The following PRKCE variants were observed in gnomAD, a reference collection of about 807,000 sequenced individuals.
PRKCE encodes the protein protein kinase C epsilon.
PRKCE carries 16 observed loss-of-function variants against 85.4 expected under a neutral mutation model. The ratio of observed to expected loss-of-function variants is 0.19; its 90% CI spans 0.13 to 0.28. The LOEUF is 0.28. Ranked by LOEUF, PRKCE falls within the 10% of genes least tolerant of loss-of-function variation. The pLI, the probability that PRKCE is intolerant of heterozygous loss-of-function variation, is 1.00. For missense variants in PRKCE, 573 were observed against 975.2 expected, an observed-to-expected ratio of 0.59 and a Z score of 5.49; for synonymous variants, 388 against 371.5, an observed-to-expected ratio of 1.04 and a Z score of -0.51.
chr2:45,792,758 C>G (rs992100305), intron 1 of PRKCE, among the ~76,000 whole-genome samples: 3 of 152,282 alleles, frequency 2.0e-5, no homozygotes, highest in Non-Finnish European at 4.4e-5. Context: ...AAAAGTGCAT[C>G]CATTTTGTCG....
chr2:45,845,521 C>G (rs1178526202), intron 2 of PRKCE: 1 of 151,938 alleles, frequency 6.6e-6, no homozygotes, highest in Non-Finnish European at 1.5e-5. Flanking sequence ...TGCTGCAGCC[C>G]CATCAATGGA....
At position 46,139,735 on chromosome 2, in the gene PRKCE, TAG is replaced by T. The variant is rs35157415; in HGVS notation, c.1593-5342_1593-5341del. On this transcript the variant is annotated intron_variant, in intron 11 of 14. Transcript: ENST00000306156. The surrounding 1 kb of genome is among the most constrained non-coding windows in gnomAD (Gnocchi z 5.2). The stretch of plus-strand genomic sequence containing the variant: ...ACATATATACATATACATATATATC[TAG>T]AGAGAGAGAGAGAGAATATATAGAA... Among the ~76,000 whole-genome samples the T allele has an allele frequency of 1.5e-4, 22 of 149,656 alleles. No individual in the cohort carries two copies. Among genetic ancestry groups the T allele is most frequent in the South Asian group, 2.1e-4 (1 of 4,738 alleles).
chr2:46,057,322 G>T (rs1015393853), intron 10 of PRKCE, among the ~76,000 whole-genome samples: 1 of 152,076 alleles, frequency 6.6e-6, no homozygotes, highest in Non-Finnish European at 1.5e-5. Flanking sequence ...GAGAAAATTT[G>T]TTCTTCTTCC....
At chr2:45,737,366 G>A (rs866033850) in intron 1 of PRKCE, among the ~76,000 whole-genome samples, 4 of 152,192 alleles carry the variant, frequency 2.6e-5, no homozygotes, top group African/African-American at 4.8e-5. Flanking sequence ...GAAGCCAGGC[G>A]GAATCAGGCC....
chr2:45,660,857 T>C (rs917979817), intron 1 of PRKCE, among the ~76,000 whole-genome samples: 15 of 152,230 alleles, frequency 9.9e-5, no homozygotes, highest in African/African-American at 3.6e-4. Flanking sequence ...AAGTCTGTAC[T>C]GTGCTGGGAG....
At chr2:45,873,709 C>A (rs1234924034) in intron 2 of PRKCE, among the ~76,000 whole-genome samples, 1 of 152,228 alleles carries the variant, frequency 6.6e-6, no homozygotes, top group East Asian at 1.9e-4. Flanking sequence ...TTTGTCTCCA[C>A]TCTCCCATGT....
intron 2 of PRKCE, among the ~76,000 whole-genome samples, chr2:45,853,623 C>T (rs35448830): frequency 0.038 from 5,755 of 152,242 alleles, 154 homozygotes; most frequent in Middle Eastern, 0.071. Context: ...GTGCTGCGTA[C>T]ACAGTAGGGG....
chr2:46,098,470 C>A (rs1670914939), intron 11 of PRKCE, among the ~76,000 whole-genome samples: 1 of 152,174 alleles, frequency 6.6e-6, no homozygotes, highest in African/African-American at 2.4e-5. Context: ...TGGCTGAGTG[C>A]ACAGTTCATA....
chr2:46,177,513 C>T (rs148000541), intron 14 of PRKCE, among the ~76,000 whole-genome samples: 119 of 152,260 alleles, frequency 7.8e-4, no homozygotes, highest in African/African-American at 2.7e-3. Context: ...TGGCTCGTGC[C>T]ACACAGCTTC....
intron 2 of PRKCE, among the ~76,000 whole-genome samples, chr2:45,866,856 T>A (rs887376670): frequency 6.6e-6 from 1 of 152,242 alleles, no homozygotes; most frequent in Admixed American, 6.5e-5. Flanking sequence ...TGGCCAGCAC[T>A]GGCACATGAA....
intron 10 of PRKCE, among the ~76,000 whole-genome samples, chr2:46,079,822 G>A (rs1292169219): frequency 2.0e-5 from 3 of 152,222 alleles, no homozygotes; most frequent in Admixed American, 6.5e-5. Context: ...TCAAAGACAG[G>A]AAAGATTAAC....
chr2:46,051,607 C>T (rs745953444), intron 10 of PRKCE, among the ~76,000 whole-genome samples: 2 of 152,284 alleles, frequency 1.3e-5, no homozygotes, highest in Admixed American at 6.5e-5. Context: ...CTCAGTTGTT[C>T]ATGGGCCATT....
At chr2:45,904,626 T>C (rs1213923491) in intron 2 of PRKCE, among the ~76,000 whole-genome samples, 1 of 152,194 alleles carries the variant, frequency 6.6e-6, no homozygotes, top group African/African-American at 2.4e-5. Flanking sequence ...TGATGATTAC[T>C]AACTGGCCAG....
chr2:46,019,806 C>G (rs1706486028), intron 10 of PRKCE, among the ~76,000 whole-genome samples: 1 of 150,668 alleles, frequency 6.6e-6, no homozygotes, highest in Non-Finnish European at 1.5e-5. Flanking sequence ...TACCCATTCT[C>G]CTAAACTGTT....
intron 1 of PRKCE, among the ~76,000 whole-genome samples, chr2:45,655,391 T>C (rs1330941847): frequency 6.6e-6 from 1 of 152,056 alleles, no homozygotes; most frequent in Non-Finnish European, 1.5e-5. Flanking sequence ...TCATTGGTGT[T>C]AGTGTATTTT....
chr2:45,975,878 G>A (rs183269092), intron 2 of PRKCE, among the ~76,000 whole-genome samples: 1 of 152,330 alleles, frequency 6.6e-6, no homozygotes, highest in African/African-American at 2.4e-5. Flanking sequence ...GCTTAGTCTA[G>A]GTAAGAGGAA....
At chr2:45,849,580 C>A (rs71422178) in intron 2 of PRKCE, among the ~76,000 whole-genome samples, 3 of 152,186 alleles carry the variant, frequency 2.0e-5, no homozygotes, top group African/African-American at 7.2e-5. Context: ...CAAAGCCAGA[C>A]ACCAGCTCCA....
chr2:45,791,166 T>C (rs764555961), intron 1 of PRKCE, among the ~76,000 whole-genome samples: 51 of 152,228 alleles, frequency 3.4e-4, no homozygotes, highest in Non-Finnish European at 6.2e-4. Context: ...GGACTAGGGA[T>C]AGTTTCTGTG....
chr2:45,779,084 G>T (rs573714227), intron 1 of PRKCE, among the ~76,000 whole-genome samples: 117 of 152,302 alleles, frequency 7.7e-4, no homozygotes, highest in Non-Finnish European at 1.3e-3. Context: ...CGTTTTATAC[G>T]TGAGGAAACC....
Sources: gnomAD v4.1 joint callset for allele counts (sites outside exome capture counted in the v4.1 genomes callset) on GRCh38, gnomAD v4.1.1 for gene constraint, Gnocchi (gnomAD v3.1) non-coding constraint, MANE v1.5 for transcripts, NCBI Gene and HGNC (gene_info 2026-07-23, HGNC 2026-07-21) for gene names.